The following SCN9A variants were observed in gnomAD, a reference collection of about 807,000 sequenced individuals.
SCN9A encodes the protein sodium channel protein type 9 subunit alpha.
In SCN9A, 131 loss-of-function variants were observed where a neutral mutation model predicts 187.0. The ratio of observed to expected loss-of-function variants is 0.70; its 90% CI spans 0.61 to 0.81. The LOEUF (loss-of-function observed/expected upper bound fraction) is 0.81. SCN9A is among the 30% of genes least tolerant of loss of function. The pLI is 0.00. For missense variants in SCN9A, 2,252 were observed against 2,396.6 expected, an observed-to-expected ratio of 0.94 and a Z score of 1.26; for synonymous variants, 809 against 808.6, an observed-to-expected ratio of 1.00 and a Z score of -0.01.
At position 166,339,782 on chromosome 2, in the gene SCN9A, A is replaced by G. The variant is rs976348321; in HGVS notation, c.-50-27976T>C. Among the ~76,000 whole-genome samples the G allele has an allele frequency of 3.3e-5, 5 of 152,208 alleles. No individual in the cohort carries two copies. The East Asian group carries it at 5.8e-4, about 18-fold the overall frequency. ...CAGACTTTTAAATTAAATAACTTCT[A>G]TGTAATAATATGGTGGAAAATAAAA... On this transcript the variant is annotated intron_variant, in intron 1 of 26. Transcript: ENST00000642356.
intron 1 of SCN9A, among the ~76,000 whole-genome samples, chr2:166,333,967 G>A (rs1699570200): frequency 6.6e-6 from 1 of 151,974 alleles, no homozygotes; most frequent in Admixed American, 6.6e-5. Flanking sequence ...CTCTTTGTAA[G>A]CAATGGAGGG....
chr2:166,240,662 A>G (rs746123218), intron 19 of SCN9A, among the ~76,000 whole-genome samples: 2 of 152,172 alleles, frequency 1.3e-5, no homozygotes, highest in African/African-American at 2.4e-5. Flanking sequence ...TAAGGAAAAT[A>G]GAGCTTTTCT....
At position 166,199,261 on chromosome 2, in the gene SCN9A, G is replaced by A. The variant is rs1426546530; in HGVS notation, c.5378C>T (p.Ala1793Val). ...TTTAGAGAACTCTATAAACTGGGTC[G>A]CATCGGGATCAAACTTCTCCCAAAC... is the stretch of plus-strand genomic sequence containing the variant. ...YEVWEKFDPD[A>V]TQFIEFSKLS... The change falls in exon 27 of 27, where the codon GCG becomes GTG. Residue 1793 changes from alanine (A) to valine (V), a missense_variant. Ala to Val is a moderately conservative substitution (Grantham distance 64). Transcript: ENST00000642356. The A allele has an allele frequency of 1.9e-6, 3 of 1,614,054 alleles. No individual in the cohort carries two copies. Among genetic ancestry groups the A allele is most frequent in the Admixed American group, 3.3e-5 (2 of 60,014 alleles).
intron 16 of SCN9A, among the ~76,000 whole-genome samples, chr2:166,275,665 G>A (rs1697204464): frequency 6.6e-6 from 1 of 151,916 alleles, no homozygotes; most frequent in Non-Finnish European, 1.5e-5. Context: ...AAGAGAATGT[G>A]CATTTCATTC....
At chr2:166,226,733 A>G (rs1162181302) in intron 23 of SCN9A, 29 bp from the exon 24 acceptor site, 2 of 1,498,536 alleles carry the variant, frequency 1.3e-6, no homozygotes, top group Non-Finnish European at 9.0e-7. Context: ...TTAGCATTAT[A>G]TGGACAGTAA....
At chr2:166,358,128 G>A (rs1269870925) in intron 1 of SCN9A, among the ~76,000 whole-genome samples, 1 of 151,352 alleles carries the variant, frequency 6.6e-6, no homozygotes, top group East Asian at 1.9e-4. Context: ...GGAGTGCCTT[G>A]GTGCGATCTC....
chr2:166,287,555 G>A (rs1697827019), intron 10 of SCN9A, among the ~76,000 whole-genome samples: 1 of 151,984 alleles, frequency 6.6e-6, no homozygotes. Flanking sequence ...TATCTGCATT[G>A]CAGATGATTG....
At chr2:166,243,804 T>C (rs776218778) in intron 18 of SCN9A, among the ~76,000 whole-genome samples, 2 of 151,850 alleles carry the variant, frequency 1.3e-5, no homozygotes, top group Admixed American at 1.3e-4. Flanking sequence ...GATACGCAAA[T>C]TGCAATGTAA....
rs200805909 is a variant in SCN9A, at chr2:166,281,736, G to C, written c.2047C>G (p.Pro683Ala). ...YLLSEDMLND[P>A]NLRQRAMSRA... ...CTCATTGCTCTCTGTCTGAGGTTGGGATCATTCAGCATATCCTCTGAAAGG... is the reference window on the plus strand; with the variant it reads ...CTCATTGCTCTCTGTCTGAGGTTGGCATCATTCAGCATATCCTCTGAAAGG... The change falls in exon 13 of 27, where the codon CCC (proline) becomes GCC (alanine). Residue 683 changes from proline (P) to alanine (A), a missense_variant. Around this residue, in one of 7 missense-constraint regions of SCN9A, gnomAD observed 1,013 missense variants for 997.4 expected, o/e 1.02. Coordinates refer to ENST00000642356, the MANE Select transcript of SCN9A (RefSeq NM_001365536.1). 26 of 1,613,224 alleles carry C rather than the reference G, an allele frequency of 1.6e-5. 1 individual carries two copies. The highest frequency in any genetic ancestry group is 5.1e-6 in the Non-Finnish European group (6 of 1,179,462).
chr2:166,215,522 G>C (rs1694292985), intron 24 of SCN9A, among the ~76,000 whole-genome samples: 1 of 151,726 alleles, frequency 6.6e-6, no homozygotes, highest in Non-Finnish European at 1.5e-5. Flanking sequence ...CCTTTAACTA[G>C]ACTAACCAAG....
intron 7 of SCN9A, among the ~76,000 whole-genome samples, chr2:166,297,027 C>G (rs1698332835): frequency 6.6e-6 from 1 of 151,244 alleles, no homozygotes; most frequent in Non-Finnish European, 1.5e-5. Flanking sequence ...GAAACCCCGT[C>G]TCTACTAAAA....
intron 1 of SCN9A, among the ~76,000 whole-genome samples, chr2:166,340,004 G>T (rs892340104): frequency 2.0e-5 from 3 of 152,100 alleles, no homozygotes; most frequent in African/African-American, 7.2e-5. Context: ...GAAGTTACAC[G>T]GGTAGTCTGT....
chr2:166,345,506 T>C (rs1243310620), intron 1 of SCN9A, among the ~76,000 whole-genome samples: 1 of 150,598 alleles, frequency 6.6e-6, no homozygotes, highest in Non-Finnish European at 1.5e-5. Flanking sequence ...GAGGTCAGTA[T>C]GCTCTTGAAA....
Position 166,302,824 on chromosome 2 carries a change from C to G in SCN9A, c.901+266G>C, listed in dbSNP as rs1698614374. Reference sequence around the variant, plus strand: ...TTAATTCAAGGCTACATTTATTTCTCTAGAGAAAATAATTCTTTTTTATGA... The same window carrying G: ...TTAATTCAAGGCTACATTTATTTCTGTAGAGAAAATAATTCTTTTTTATGA... On this transcript the variant is annotated intron_variant, in intron 7 of 26. Transcript: ENST00000642356. 2.0e-5 allele frequency: 4 copies of G among 196,798 alleles called. No individual in the cohort carries two copies. In the Admixed American group the frequency reaches 2.4e-4, roughly 12 times the overall value. The allele number at this position is 196,798 out of a possible 1,614,324, so 12.2% of individuals were successfully genotyped here.
intron 24 of SCN9A, among the ~76,000 whole-genome samples, chr2:166,208,228 A>C (rs1049634340): frequency 5.9e-5 from 9 of 152,162 alleles, no homozygotes; most frequent in African/African-American, 1.4e-4. Flanking sequence ...AGTAATAAAG[A>C]CTTCTTCACT....
In SCN9A at chr2:166,286,337, T is replaced by C; in HGVS notation, c.1601A>G (p.Gln534Arg). 6.2e-7 allele frequency: 1 copy of C among 1,602,426 alleles called. No individual in the cohort carries two copies. The highest frequency in any genetic ancestry group is 1.1e-5 in the South Asian group (1 of 87,908). Reference sequence around the variant, plus strand: ...CACATTTAGCAATTTGGGTGGTACCTGATTGGGGGTAGACAACCTCTTTTC... The same window carrying C: ...CACATTTAGCAATTTGGGTGGTACCCGATTGGGGGTAGACAACCTCTTTTC... Reference protein sequence around the residue: ...AHEKRLSTPNQSPLSIRGSLF... With the variant: ...AHEKRLSTPNRSPLSIRGSLF... Residue 534 changes from glutamine to arginine, a missense_variant and splice_region_variant, in exon 11 of 27, where the codon CAG (glutamine) becomes CGG (arginine). Coordinates refer to ENST00000642356, the MANE Select transcript of SCN9A (RefSeq NM_001365536.1).
At chr2:166,349,163 C>T (rs1203038801) in intron 1 of SCN9A, among the ~76,000 whole-genome samples, 4 of 151,534 alleles carry the variant, frequency 2.6e-5, no homozygotes, top group Non-Finnish European at 5.9e-5. Flanking sequence ...ACAAAAAACT[C>T]CTCTCATCAT....
intron 17 of SCN9A, among the ~76,000 whole-genome samples, chr2:166,262,549 A>G (rs1308598406): frequency 6.6e-6 from 1 of 151,982 alleles, no homozygotes; most frequent in Admixed American, 6.6e-5. Flanking sequence ...TTACAACAGA[A>G]AATTTCACCC....
At chr2:166,313,552 C>G (rs762889511) in intron 1 of SCN9A, among the ~76,000 whole-genome samples, 1 of 152,150 alleles carries the variant, frequency 6.6e-6, no homozygotes, top group African/African-American at 2.4e-5. Flanking sequence ...TTCTTCACCT[C>G]TCAGCCTTCA....
Sources: gnomAD v4.1 joint callset for allele counts (sites outside exome capture counted in the v4.1 genomes callset) on GRCh38, gnomAD v4.1.1 for gene constraint, gnomAD v4.1.1 regional missense constraint, MANE v1.5 for transcripts, NCBI Gene and HGNC (gene_info 2026-07-23, HGNC 2026-07-21) for gene names.